The following SLX4IP variants were observed in gnomAD, a reference collection of about 807,000 sequenced individuals.
The protein encoded by SLX4IP is SLX4 interacting protein, also known as protein SLX4IP.
Under a neutral mutation model 32.9 loss-of-function variants are expected in SLX4IP, and 34 were observed. The ratio of observed to expected loss-of-function variants is 1.03; its 90% CI spans 0.79 to 1.38. The LOEUF (loss-of-function observed/expected upper bound fraction) is 1.38, where lower values mean the gene tolerates loss of function less well. Among genes scored for constraint, SLX4IP ranks in the 40% most tolerant of loss-of-function variants. The pLI, the probability that SLX4IP is intolerant of heterozygous loss-of-function variation, is 0.00. For missense variants in SLX4IP, 444 were observed against 479.0 expected, an observed-to-expected ratio of 0.93 and a Z score of 0.68; for synonymous variants, 172 against 171.7, an observed-to-expected ratio of 1.00 and a Z score of -0.01.
rs141972814 is a variant in SLX4IP at position 10,480,733 on chromosome 20, T to C, written c.27+22502T>C. Among the ~76,000 whole-genome samples, 605 of 152,332 alleles carry C rather than the reference T, an allele frequency of 4.0e-3. 6 individuals carry two copies. The highest frequency in any genetic ancestry group is 0.014 in the African/African-American group (571 of 41,580). On this transcript the variant is annotated intron_variant, in intron 2 of 7. Coordinates refer to ENST00000334534, the MANE Select transcript of SLX4IP (RefSeq NM_001009608.3). The stretch of plus-strand genomic sequence containing the variant: ...TAGGTTGAACTGATTTTTAAAAAAT[T>C]AAATTTCAGTTTTAGATACTAGTGA...
At chr20:10,510,079 C>G (rs1007261500) in intron 2 of SLX4IP, among the ~76,000 whole-genome samples, 43 of 152,110 alleles carry the variant, frequency 2.8e-4, no homozygotes, top group Admixed American at 1.0e-3. Context: ...AGTCACTGGT[C>G]ATTTTTGAGC....
Position 10,622,687 on chromosome 20 carries a change from G to A in SLX4IP, c.535G>A (p.Val179Ile), listed in dbSNP as rs1348123161. 2 of 1,611,438 alleles carry A rather than the reference G, an allele frequency of 1.2e-6. No individual in the cohort carries two copies. Among genetic ancestry groups the A allele is most frequent in the Non-Finnish European group, 1.7e-6 (2 of 1,179,094 alleles). ...GAAAAGAACTGAAACAAAAAGCAGT[G>A]TCACGAGCAAATCGCAGACCAGAAG... ...IVKRTETKSS[V>I]TSKSQTRRDT... Residue 179 changes from valine to isoleucine, a missense_variant, in exon 8 of 8, where the codon GTC becomes ATC. Coordinates refer to ENST00000334534, the MANE Select transcript of SLX4IP (RefSeq NM_001009608.3).
intron 4 of SLX4IP, among the ~76,000 whole-genome samples, chr20:10,593,813 T>C (rs1459779213): frequency 6.6e-6 from 1 of 152,206 alleles, no homozygotes; most frequent in Non-Finnish European, 1.5e-5. Flanking sequence ...GAGTTCTTTT[T>C]TTAAAAGGTA....
At chr20:10,453,790 T>A (rs939153302) in intron 1 of SLX4IP, among the ~76,000 whole-genome samples, 1 of 152,146 alleles carries the variant, frequency 6.6e-6, no homozygotes, top group Non-Finnish European at 1.5e-5. Flanking sequence ...GGATAGATGC[T>A]GTAATATGGG....
chr20:10,602,657 G>A (rs142269001), intron 6 of SLX4IP, among the ~76,000 whole-genome samples: 2 of 152,106 alleles, frequency 1.3e-5, no homozygotes, highest in Admixed American at 6.5e-5. Flanking sequence ...GACATTAACC[G>A]GGCCATGAAG....
chr20:10,539,788 A>G (rs2066082702), intron 2 of SLX4IP, among the ~76,000 whole-genome samples: 1 of 152,156 alleles, frequency 6.6e-6, no homozygotes, highest in South Asian at 2.1e-4. Context: ...CTTTTAAAAT[A>G]TACTGATACC....
At chr20:10,501,373 T>G (rs957244882) in intron 2 of SLX4IP, among the ~76,000 whole-genome samples, 11 of 152,148 alleles carry the variant, frequency 7.2e-5, no homozygotes, top group Non-Finnish European at 2.9e-5. Context: ...CAAAAAAAGA[T>G]GCTAATGAGT....
At chr20:10,614,036 G>T (rs2066998389) in intron 6 of SLX4IP, 4 of 1,424,246 alleles carry the variant, frequency 2.8e-6, no homozygotes, top group African/African-American at 1.4e-5. Context: ...CTTTTTCCAG[G>T]ATCTGGAAGC....
chr20:10,490,763 T>A (rs191988812), intron 2 of SLX4IP, among the ~76,000 whole-genome samples: 9 of 152,266 alleles, frequency 5.9e-5, no homozygotes, highest in Admixed American at 5.2e-4. Context: ...TTTTCACCAT[T>A]GTTTTGTGGT....
intron 2 of SLX4IP, among the ~76,000 whole-genome samples, chr20:10,512,578 G>T (rs954633135): frequency 1.4e-5 from 2 of 141,152 alleles, no homozygotes; most frequent in Non-Finnish European, 1.5e-5. Context: ...ATATATATAG[G>T]TGTGTGTATA....
chr20:10,518,632 G>A (rs1196071759), intron 2 of SLX4IP, among the ~76,000 whole-genome samples: 6 of 150,106 alleles, frequency 4.0e-5, no homozygotes, highest in Admixed American at 2.0e-4. Flanking sequence ...CTGCTGCAGC[G>A]CTGCGATCTC....
At chr20:10,455,043 C>T (rs1321443801) in intron 1 of SLX4IP, among the ~76,000 whole-genome samples, 1 of 152,106 alleles carries the variant, frequency 6.6e-6, no homozygotes, top group Non-Finnish European at 1.5e-5. Context: ...TGTATATCTT[C>T]TTTGAAGGAA....
intron 2 of SLX4IP, among the ~76,000 whole-genome samples, chr20:10,470,722 G>A (rs972113270): frequency 4.6e-5 from 7 of 152,098 alleles, no homozygotes; most frequent in Non-Finnish European, 7.4e-5. Flanking sequence ...TCTAGCATCC[G>A]GATCCTTATT....
intron 4 of SLX4IP, 23 bp downstream of exon 4, chr20:10,560,843 T>C (rs373469943): frequency 4.5e-6 from 7 of 1,544,296 alleles, no homozygotes; most frequent in Middle Eastern, 1.7e-4. Context: ...CACTTTGATT[T>C]TGGACAAAAA....
intron 5 of SLX4IP, among the ~76,000 whole-genome samples, chr20:10,599,463 A>G (rs1235310712): frequency 1.3e-5 from 2 of 151,296 alleles, no homozygotes; most frequent in East Asian, 3.9e-4. Context: ...ACAAGTTCTC[A>G]CTCTGTCACT....
intron 5 of SLX4IP, among the ~76,000 whole-genome samples, chr20:10,600,842 A>G (rs2122548733): frequency 6.6e-6 from 1 of 152,292 alleles, no homozygotes. Context: ...AAAAATATTC[A>G]AGCAGTACAA....
At chr20:10,549,930 A>T (rs966432491) in intron 2 of SLX4IP, among the ~76,000 whole-genome samples, 5 of 152,236 alleles carry the variant, frequency 3.3e-5, no homozygotes, top group African/African-American at 1.2e-4. Context: ...TTGTGGTAAT[A>T]TGAAAATATT....
chr20:10,514,939 T>G (rs768191473), intron 2 of SLX4IP, among the ~76,000 whole-genome samples: 4 of 152,194 alleles, frequency 2.6e-5, no homozygotes, highest in Non-Finnish European at 5.9e-5. Context: ...ACTCTCTGGC[T>G]TCAAGATCTC....
intron 2 of SLX4IP, among the ~76,000 whole-genome samples, chr20:10,469,413 A>G (rs1417469886): frequency 2.6e-5 from 4 of 152,154 alleles, no homozygotes; most frequent in Admixed American, 6.6e-5. Flanking sequence ...AATAATCTCT[A>G]TTAATAATCA....
Sources: gnomAD v4.1 joint callset for allele counts (sites outside exome capture counted in the v4.1 genomes callset) on GRCh38, gnomAD v4.1.1 for gene constraint, MANE v1.5 for transcripts, NCBI Gene and HGNC (gene_info 2026-07-23, HGNC 2026-07-21) for gene names.